The following NTRK3 variants were observed in gnomAD, a reference collection of about 807,000 sequenced individuals.
NTRK3 encodes the protein NT-3 growth factor receptor.
A neutral mutation model predicts 91.7 loss-of-function variants in NTRK3; 24 were observed. The ratio of observed to expected loss-of-function variants is 0.26; its 90% confidence interval spans 0.19 to 0.37. The LOEUF is 0.37. Among genes scored for constraint, NTRK3 ranks in the 10% least tolerant of loss-of-function variants. The pLI is 1.00. For synonymous variants in NTRK3, 483 were observed against 404.0 expected (o/e 1.20, Z -2.34); for missense variants, 880 against 1,068.9 (o/e 0.82, Z 2.46).
At chr15:88,142,964 C>T (rs2042531501) in intron 6 of NTRK3, among the ~76,000 whole-genome samples, 1 of 151,934 alleles carries the variant, frequency 6.6e-6, no homozygotes, top group Admixed American at 6.6e-5. Flanking sequence ...TCTGTAATCT[C>T]AACATTTTGG....
At chr15:88,184,151 C>T in intron 4 of NTRK3, 74 bp downstream of exon 4, 1 of 1,474,000 alleles carries the variant, frequency 6.8e-7, no homozygotes, top group Non-Finnish European at 9.4e-7. Context: ...CCCCTCACGC[C>T]ACCCCAGAAG....
intron 13 of NTRK3, among the ~76,000 whole-genome samples, chr15:88,096,966 A>G (rs2049675287): frequency 6.6e-6 from 1 of 152,210 alleles, no homozygotes; most frequent in African/African-American, 2.4e-5. Context: ...TGAAAAGCAA[A>G]GAAGGATTTG....
intron 17 of NTRK3, among the ~76,000 whole-genome samples, chr15:87,921,485 T>C (rs1008927985): frequency 4.6e-5 from 7 of 152,150 alleles, no homozygotes; most frequent in Non-Finnish European, 8.8e-5. Context: ...GGGTCAAGCC[T>C]CCCTACTCCT....
At chr15:87,862,303 C>A in exon 19 of NTRK3, 1 of 224,338 alleles carries the variant, frequency 4.5e-6, no homozygotes, top group African/African-American at 2.2e-5. Context: ...CCTCTGAGAT[C>A]TGGCTCTGTC....
intron 14 of NTRK3, among the ~76,000 whole-genome samples, chr15:87,967,600 C>T (rs185689891): frequency 1.3e-5 from 2 of 152,148 alleles, no homozygotes; most frequent in East Asian, 3.9e-4. Flanking sequence ...TTCTCTCATC[C>T]CATGCCATTC....
At chr15:88,184,518 G>A (rs1484295928) in intron 3 of NTRK3, among the ~76,000 whole-genome samples, 1 of 152,196 alleles carries the variant, frequency 6.6e-6, no homozygotes, top group Non-Finnish European at 1.5e-5. Context: ...TGGATTCATT[G>A]GATCCAAGTT....
intron 17 of NTRK3, among the ~76,000 whole-genome samples, chr15:87,884,163 A>G (rs2065405488): frequency 1.3e-5 from 2 of 151,662 alleles, no homozygotes; most frequent in Admixed American, 6.6e-5. Context: ...AGTTCTCTCA[A>G]AAGTTACATA....
intron 5 of NTRK3, among the ~76,000 whole-genome samples, chr15:88,171,299 G>A (rs1256645804): frequency 6.6e-6 from 1 of 152,080 alleles, no homozygotes; most frequent in Non-Finnish European, 1.5e-5. Flanking sequence ...CACTGACAAA[G>A]CTCCCTCTTG....
chr15:87,872,553 T>A (rs995149661), exon 19 of NTRK3: 4 of 229,570 alleles, frequency 1.7e-5, no homozygotes, highest in Admixed American at 1.1e-4. Context: ...AGTGTTAGCA[T>A]GTTGGTTTTG....
intron 14 of NTRK3, among the ~76,000 whole-genome samples, chr15:87,979,802 G>A (rs4887202): frequency 1.3e-5 from 2 of 151,566 alleles, no homozygotes; most frequent in Non-Finnish European, 2.9e-5. Context: ...AGGAGACCCT[G>A]ACGATGAGCT....
chr15:87,891,272 T>A (rs1361664757), intron 17 of NTRK3, among the ~76,000 whole-genome samples: 1 of 152,238 alleles, frequency 6.6e-6, no homozygotes, highest in Non-Finnish European at 1.5e-5. Flanking sequence ...TAAAGTCATT[T>A]GTAGTAGCTC....
chr15:87,871,355 T>C (rs1017598436), exon 19 of NTRK3: 1 of 230,882 alleles, frequency 4.3e-6, no homozygotes, highest in Non-Finnish European at 8.6e-6. Flanking sequence ...AAAGTTCTAA[T>C]ACCCAATGCA....
At chr15:87,913,029 A>G in intron 17 of NTRK3, among the ~76,000 whole-genome samples, 1 of 146,808 alleles carries the variant, frequency 6.8e-6, no homozygotes, top group East Asian at 2.1e-4. Context: ...GATGGCATAG[A>G]GCTGGCAGGG....
intron 4 of NTRK3, among the ~76,000 whole-genome samples, chr15:88,183,773 G>C (rs1207797113): frequency 2.0e-5 from 3 of 152,144 alleles, no homozygotes; most frequent in Non-Finnish European, 4.4e-5. Flanking sequence ...GGCTTCTGCT[G>C]GTCCAGTAAT....
intron 14 of NTRK3, among the ~76,000 whole-genome samples, chr15:88,008,100 G>T (rs936254164): frequency 3.3e-5 from 5 of 152,122 alleles, no homozygotes; most frequent in Non-Finnish European, 5.9e-5. Flanking sequence ...CTGAAGCAAA[G>T]TAACTAAAAT....
At chr15:88,183,568 T>C (rs960584478) in intron 4 of NTRK3, 79 bp from the exon 5 acceptor site, 3 of 1,355,324 alleles carry the variant, frequency 2.2e-6, no homozygotes, top group Admixed American at 1.7e-5. Context: ...TGGCAGGGGG[T>C]GAGGCTAAGG....
chr15:88,058,456 G>A (rs377511673), intron 13 of NTRK3, among the ~76,000 whole-genome samples: 2 of 152,160 alleles, frequency 1.3e-5, no homozygotes, highest in Non-Finnish European at 2.9e-5. Context: ...TTCCTCCAAA[G>A]GTCAAAGGTT....
At chr15:87,871,839 T>G in exon 19 of NTRK3, 1 of 221,852 alleles carries the variant, frequency 4.5e-6, no homozygotes, top group East Asian at 6.6e-5. Flanking sequence ...ATGTATACTT[T>G]CTTTAGAAGA....
intron 3 of NTRK3, among the ~76,000 whole-genome samples, chr15:88,247,443 C>G (rs752170277): frequency 2.0e-5 from 3 of 152,232 alleles, no homozygotes; most frequent in Non-Finnish European, 4.4e-5. Flanking sequence ...CCAACATTTT[C>G]TGAGGCCCTT....
Sources: allele counts gnomAD v4.1 joint callset (sites outside exome capture counted in the v4.1 genomes callset), GRCh38; gene constraint gnomAD v4.1.1; transcripts MANE v1.5; gene names NCBI Gene and HGNC (gene_info 2026-07-23, HGNC 2026-07-21).